Variants in CCDC62 observed in about 807,000 individuals in gnomAD.
CCDC62 encodes the protein coiled-coil domain-containing protein 62.
CCDC62 carries 72 observed loss-of-function variants against 80.8 expected under a neutral mutation model. That is an observed-to-expected ratio of 0.89 (90% CI 0.74 to 1.08). The LOEUF (loss-of-function observed/expected upper bound fraction) is 1.08, where lower values mean the gene tolerates loss of function less well. CCDC62 is among the 50% of genes least tolerant of loss of function. The pLI is 0.00. For synonymous variants in CCDC62, 286 were observed against 296.5 expected, an observed-to-expected ratio of 0.96 and a Z score of 0.36; for missense variants, 704 against 809.4, an observed-to-expected ratio of 0.87 and a Z score of 1.58.
At chr12:122,804,599 A>G (rs2031482470) in intron 9 of CCDC62, among the ~76,000 whole-genome samples, 1 of 152,230 alleles carries the variant, frequency 6.6e-6, no homozygotes, top group Non-Finnish European at 1.5e-5. Context: ...CATCCTGGGC[A>G]ACAGCATGGC....
intron 5 of CCDC62, among the ~76,000 whole-genome samples, chr12:122,790,014 A>G (rs753211278): frequency 2.0e-5 from 3 of 152,170 alleles, no homozygotes; most frequent in Non-Finnish European, 2.9e-5. Flanking sequence ...TGTTCTGTCA[A>G]TATTTATATA....
chr12:122,801,273 G>A lies in CCDC62; in HGVS notation c.1127G>A (p.Cys376Tyr). Residue 376 changes from cysteine to tyrosine, a missense_variant, in exon 9 of 13, where the codon TGC becomes TAC. Cys to Tyr is a radical substitution (Grantham distance 194). Transcript: ENST00000253079. ...NRSDKSSCDE[C>Y]KEKKQQIDTV... ...TCAGACAAGAGCTCTTGCGATGAAT[G>A]CAAAGAGAAGAAACAACAGATCGAT... 6.2e-7 allele frequency: 1 copy of A among 1,614,122 alleles called. No individual in the cohort carries two copies. Among genetic ancestry groups the A allele is most frequent in the Non-Finnish European group, 8.5e-7 (1 of 1,180,016 alleles).
At chr12:122,791,493 A>C (rs1190854114) in intron 5 of CCDC62, among the ~76,000 whole-genome samples, 1 of 151,150 alleles carries the variant, frequency 6.6e-6, no homozygotes, top group African/African-American at 2.4e-5. Context: ...TCTGTTGTCC[A>C]GGTTGAGTGC....
chr12:122,786,209 T>G (rs540102604), intron 4 of CCDC62, among the ~76,000 whole-genome samples: 1,767 of 152,062 alleles, frequency 0.012, 37 homozygotes, highest in African/African-American at 0.041. Context: ...GTGCAGTGGC[T>G]CCGTCTCAGC....
chr12:122,813,345 C>T lies in CCDC62; in HGVS notation c.1927C>T (p.Gln643Ter). Residue 643 changes from glutamine (Q) to a stop codon, truncating the protein, a stop_gained, in exon 11 of 13, where the codon CAG becomes TAG. Transcript: ENST00000253079. LOFTEE classifies it high-confidence loss of function. ...CCAGCGTTTGCTGGCGGAATCTCGT[C>T]AGATGGTGACGGACCTGGAGCTGAG... ...KLQRLLAESR[Q>*]MVTDLELSTL... 6.2e-7 allele frequency: 1 copy of T among 1,613,994 alleles called. No homozygotes were observed. The highest frequency in any genetic ancestry group is 2.2e-5 in the East Asian group (1 of 44,878).
intron 9 of CCDC62, 34 bp from the exon 10 acceptor site, chr12:122,806,117 G>T (rs762868824): frequency 6.3e-7 from 1 of 1,589,372 alleles, no homozygotes; most frequent in Admixed American, 1.8e-5. Flanking sequence ...ATTGTTTTAA[G>T]ATATTTGTTT....
chr12:122,777,766 G>A, intron 2 of CCDC62, 83 bp downstream of exon 2: 2 of 1,166,568 alleles, frequency 1.7e-6, no homozygotes, highest in Middle Eastern at 2.0e-4. Context: ...TAGAGAGGAA[G>A]TAAAGACTGC....
At chr12:122,815,359 G>A (rs574218555) in intron 11 of CCDC62, among the ~76,000 whole-genome samples, 6 of 152,166 alleles carry the variant, frequency 3.9e-5, no homozygotes, top group Non-Finnish European at 4.4e-5. Flanking sequence ...GATTATAGGC[G>A]TGAGCCGCTG....
rs764145983 is a variant in CCDC62, at chr12:122,801,807, C to A, written c.1661C>A (p.Thr554Asn). Reference sequence around the variant, plus strand: ...ATTGTCCGCCTCAAATCTGGGTGCACCTGTTCAGAAAGCATCTGTGGCACA... The same window carrying A: ...ATTGTCCGCCTCAAATCTGGGTGCAACTGTTCAGAAAGCATCTGTGGCACA... ...QRIVRLKSGC[T>N]CSESICGTQH... Residue 554 changes from threonine to asparagine, a missense_variant, in exon 9 of 13, where the codon ACC (threonine) becomes AAC (asparagine). By Grantham distance (65) the Thr-to-Asn change is moderately conservative. Coordinates refer to ENST00000253079, the MANE Select transcript of CCDC62 (RefSeq NM_201435.5). 6.2e-7 allele frequency: 1 copy of A among 1,613,934 alleles called. No individual in the cohort carries two copies. The highest frequency in any genetic ancestry group is 8.5e-7 in the Non-Finnish European group (1 of 1,180,008).
chr12:122,785,897 G>A lies in CCDC62; in HGVS notation c.498+77G>A, dbSNP rs545729337. On this transcript the variant is annotated intron_variant, in intron 4 of 12. Coordinates refer to ENST00000253079, the MANE Select transcript of CCDC62 (RefSeq NM_201435.5). ...CCATATTCATTATCTTACCTAAGTC[G>A]CTAGGATCCCAGAAATGTGAAGCTA... 97 of 957,582 alleles carry A rather than the reference G, an allele frequency of 1.0e-4. 1 individual carries two copies. In the South Asian group the frequency reaches 1.3e-3, roughly 13 times the overall value. 59.3% of individuals were successfully genotyped at this position (957,582 alleles called of 1,614,324 possible).
At chr12:122,776,472 TGAAAA>T (rs1879463453) in intron 1 of CCDC62, 2 of 152,186 alleles carry the variant, frequency 1.3e-5, no homozygotes, top group Admixed American at 6.5e-5. Context: ...TAACCAATAA[TGAAAA>T]GAAAAGGACA....
intron 5 of CCDC62, among the ~76,000 whole-genome samples, chr12:122,789,799 C>T (rs1566073135): frequency 6.6e-6 from 1 of 152,162 alleles, no homozygotes; most frequent in Non-Finnish European, 1.5e-5. Flanking sequence ...ATGCCTTGAC[C>T]TATGGTTAGC....
chr12:122,792,161 C>G, intron 6 of CCDC62, 40 bp downstream of exon 6: 2 of 1,133,784 alleles, frequency 1.8e-6, no homozygotes, highest in Non-Finnish European at 2.7e-6. Flanking sequence ...CCTAGACTTG[C>G]AATGATGACA....
At chr12:122,789,578 AC>A (rs2030471565) in intron 5 of CCDC62, among the ~76,000 whole-genome samples, 1 of 151,922 alleles carries the variant, frequency 6.6e-6, no homozygotes, top group African/African-American at 2.4e-5. Context: ...GATTACAGGC[AC>A]CTACCACCAT....
At chr12:122,781,129 G>T in intron 2 of CCDC62, 35 bp from the exon 3 acceptor site, 4 of 1,563,044 alleles carry the variant, frequency 2.6e-6, no homozygotes, top group Non-Finnish European at 3.5e-6. Context: ...TTAAGCTGAA[G>T]GTGTGACTAC....
chr12:122,792,202 G>T (rs1052880364), intron 6 of CCDC62, 81 bp downstream of exon 6: 145 of 500,000 alleles, frequency 2.9e-4, no homozygotes, highest in South Asian at 4.0e-4. Flanking sequence ...TCCCAAAATG[G>T]TTTTTTTTTT....
rs1879831678 is a variant in CCDC62, at chr12:122,781,151, G to C, written c.230-13G>C. On this transcript the variant is annotated splice_polypyrimidine_tract_variant and intron_variant, in intron 2 of 12. Coordinates refer to ENST00000253079, the MANE Select transcript of CCDC62 (RefSeq NM_201435.5). ...GAAGGTGTGACTACAAATTATTGAT[G>C]AACTTCCCTCAGGTGAACTACATAA... 6.3e-7 allele frequency: 1 copy of C among 1,598,222 alleles called. No homozygotes were observed. Among genetic ancestry groups the C allele is most frequent in the South Asian group, 1.1e-5 (1 of 88,644 alleles).
chr12:122,800,750 T>G (rs2031254189), intron 8 of CCDC62, among the ~76,000 whole-genome samples: 1 of 131,966 alleles, frequency 7.6e-6, no homozygotes, highest in East Asian at 2.2e-4. Flanking sequence ...TTTTTAAGCA[T>G]AAAATAGTTT....
At chr12:122,784,256 C>T (rs1407116454) in intron 3 of CCDC62, among the ~76,000 whole-genome samples, 1 of 152,202 alleles carries the variant, frequency 6.6e-6, no homozygotes, top group Non-Finnish European at 1.5e-5. Flanking sequence ...GGCGCGGTGG[C>T]TCATGCCTGT....
Sources: allele counts gnomAD v4.1 joint callset (sites outside exome capture counted in the v4.1 genomes callset), GRCh38; gene constraint gnomAD v4.1.1; transcripts MANE v1.5; gene names NCBI Gene and HGNC (gene_info 2026-07-23, HGNC 2026-07-21).